The following FHIT variants were observed in gnomAD, a reference collection of about 807,000 sequenced individuals.
The protein encoded by FHIT is fragile histidine triad diadenosine triphosphatase.
In FHIT, 19 loss-of-function variants were observed where a neutral mutation model predicts 17.9. The ratio of observed to expected loss-of-function variants is 1.06; its 90% confidence interval spans 0.74 to 1.56. The LOEUF (loss-of-function observed/expected upper bound fraction) is 1.56. Ranked by LOEUF, FHIT falls within the 40% of genes most tolerant of loss-of-function variation. FHIT has a pLI of 0.00. For missense variants in FHIT, 248 were observed against 189.2 expected (o/e 1.31, Z -1.82); for synonymous variants, 81 against 69.7 (o/e 1.16, Z -0.81).
chr3:59,976,815 G>A (rs184281371), intron 7 of FHIT, among the ~76,000 whole-genome samples: 2 of 152,138 alleles, frequency 1.3e-5, no homozygotes, highest in Admixed American at 1.3e-4. Context: ...CTCCTTCATC[G>A]TGCTCATAAA....
intron 2 of FHIT, among the ~76,000 whole-genome samples, chr3:61,186,121 T>G (rs1044136195): frequency 6.6e-6 from 1 of 152,222 alleles, no homozygotes; most frequent in Non-Finnish European, 1.5e-5. Context: ...CTGTACACAA[T>G]GCCCTGTAGC....
chr3:59,790,817 A>G (rs1178327192), intron 8 of FHIT, among the ~76,000 whole-genome samples: 1 of 152,170 alleles, frequency 6.6e-6, no homozygotes, highest in African/African-American at 2.4e-5. Context: ...TCCCAGCACT[A>G]ACATAGTCCC....
rs751406340 is a variant in FHIT, at chr3:60,014,092, A to G, written c.164T>C (p.Val55Ala). 1.2e-6 allele frequency: 2 copies of G among 1,614,044 alleles called. No individual in the cohort carries two copies. The highest frequency in any genetic ancestry group is 3.3e-5 in the Admixed American group (2 of 60,012). Residue 55 changes from valine to alanine, a missense_variant, in exon 6 of 10, where the codon GTG becomes GCG. By Grantham distance (64) the Val-to-Ala change is moderately conservative. Coordinates refer to ENST00000492590, the MANE Select transcript of FHIT (RefSeq NM_002012.4). ...ERFHDLRPDE[V>A]ADLFQTTQRV... The stretch of plus-strand genomic sequence containing the variant: ...CTGGGTCGTCTGAAACAAATCGGCC[A>G]CTTCATCAGGACGCAGGTCATGGAA...
At position 61,209,669 on chromosome 3, in the gene FHIT, C is replaced by T. The variant is rs531246461; in HGVS notation, c.-212-9004G>A. ...CCTTGGTTTTCAGCTCCATCAAGTC[C>T]TTTAAGGACTTCTGTGCATTGGTTA... On this transcript the variant is annotated intron_variant, in intron 1 of 9. Transcript: ENST00000492590. Among the ~76,000 whole-genome samples the T allele has an allele frequency of 4.6e-5, 7 of 152,308 alleles. No individual in the cohort carries two copies. The East Asian group carries it at 9.6e-4, about 21-fold the overall frequency.
chr3:60,473,923 CA>C (rs71710853), intron 5 of FHIT, among the ~76,000 whole-genome samples: 46,574 of 146,982 alleles, frequency 0.32, 7,835 homozygotes, highest in East Asian at 0.54. Flanking sequence ...ACTCCATTTC[CA>C]AAAAAAAAAG....
chr3:59,783,543 T>A (rs954409029), intron 8 of FHIT, among the ~76,000 whole-genome samples: 1 of 152,178 alleles, frequency 6.6e-6, no homozygotes, highest in African/African-American at 2.4e-5. Context: ...CAGCCCTCTC[T>A]CTCTGCCATC....
intron 7 of FHIT, among the ~76,000 whole-genome samples, chr3:59,944,945 G>C (rs1706725901): frequency 6.6e-6 from 1 of 152,116 alleles, no homozygotes; most frequent in South Asian, 2.1e-4. Context: ...CTTTTAGGTT[G>C]ATTATATGCC....
chr3:59,956,582 T>G (rs923579891), intron 7 of FHIT, among the ~76,000 whole-genome samples: 6 of 151,960 alleles, frequency 3.9e-5, no homozygotes, highest in African/African-American at 1.2e-4. Context: ...CCAGGAGAAT[T>G]GCTTGAACCC....
chr3:60,816,535 A>G (rs1181772150), intron 4 of FHIT, among the ~76,000 whole-genome samples: 3 of 152,110 alleles, frequency 2.0e-5, no homozygotes, highest in African/African-American at 7.2e-5. Flanking sequence ...GTGGTGAATC[A>G]CATTTGTATT....
chr3:60,989,793 G>A (rs2030020185), intron 3 of FHIT, among the ~76,000 whole-genome samples: 1 of 152,084 alleles, frequency 6.6e-6, no homozygotes, highest in Non-Finnish European at 1.5e-5. Context: ...CATTATCCCT[G>A]GGCAGTGGAA....
chr3:60,067,484 C>A (rs1702567066), intron 5 of FHIT, among the ~76,000 whole-genome samples: 3 of 152,060 alleles, frequency 2.0e-5, no homozygotes, highest in Middle Eastern at 3.2e-3. Context: ...AGTAAAGAAC[C>A]CTCTATTTCA....
chr3:60,100,367 G>C (rs1286039050), intron 5 of FHIT, among the ~76,000 whole-genome samples: 1 of 152,014 alleles, frequency 6.6e-6, no homozygotes. Context: ...CTGGGCAACA[G>C]AGCAAGACTC....
rs552879491 is a variant in FHIT at position 60,167,643 on chromosome 3, T to C, written c.104-153491A>G. On this transcript the variant is annotated intron_variant, in intron 5 of 9. Transcript: ENST00000492590. ...TGTGAATGAACTGCACAGTCTTCAT[T>C]AATTTCACAGAAAATTCATTTTTGT... Among the ~76,000 whole-genome samples, 5 of 152,362 alleles carry C rather than the reference T, an allele frequency of 3.3e-5. No individual in the cohort carries two copies. The South Asian group carries it at 1.0e-3, about 32-fold the overall frequency.
At chr3:60,419,409 A>G (rs1467148301) in intron 5 of FHIT, among the ~76,000 whole-genome samples, 1 of 152,216 alleles carries the variant, frequency 6.6e-6, no homozygotes, top group East Asian at 1.9e-4. Flanking sequence ...AAACAAGGGC[A>G]AGAGTTGGCA....
At chr3:60,737,186 C>T (rs181260041) in intron 4 of FHIT, among the ~76,000 whole-genome samples, 13 of 152,322 alleles carry the variant, frequency 8.5e-5, no homozygotes, top group South Asian at 2.1e-4. Flanking sequence ...TATCAATCTC[C>T]CATGAAACAT....
intron 5 of FHIT, among the ~76,000 whole-genome samples, chr3:60,076,966 A>G (rs1014891125): frequency 2.2e-4 from 33 of 152,192 alleles, no homozygotes; most frequent in African/African-American, 7.9e-4. Flanking sequence ...TTAAGCTTCT[A>G]TTCTGAGCAA....
intron 2 of FHIT, among the ~76,000 whole-genome samples, chr3:61,179,787 G>A (rs1413545861): frequency 1.3e-5 from 2 of 149,508 alleles, no homozygotes; most frequent in Non-Finnish European, 3.0e-5. Context: ...TCGCAGATGA[G>A]TCAAGATAGT....
intron 3 of FHIT, among the ~76,000 whole-genome samples, chr3:61,039,761 T>G (rs111756932): frequency 6.6e-6 from 1 of 152,004 alleles, no homozygotes; most frequent in South Asian, 2.1e-4. Flanking sequence ...AGATGACGGG[T>G]TGATGGGTGT....
chr3:60,666,849 TTTTTC>T (rs797036229), intron 4 of FHIT, among the ~76,000 whole-genome samples: 112 of 125,268 alleles, frequency 8.9e-4, no homozygotes, highest in African/African-American at 3.2e-3. Flanking sequence ...ATCTTTTTCT[TTTTTC>T]TTTTCTTTTC....
Sources: gnomAD v4.1 joint callset for allele counts (sites outside exome capture counted in the v4.1 genomes callset) on GRCh38, gnomAD v4.1.1 for gene constraint, MANE v1.5 for transcripts, NCBI Gene and HGNC (gene_info 2026-07-23, HGNC 2026-07-21) for gene names.